RETREG1: variants seen among roughly 807,000 people sequenced by gnomAD.
RETREG1 encodes the protein family with sequence similarity 134 member B.
Under a neutral mutation model 54.8 loss-of-function variants are expected in RETREG1, and 44 were observed. That is an observed-to-expected ratio of 0.80 (90% CI 0.63 to 1.03). The LOEUF is 1.03. Ranked by LOEUF, RETREG1 falls within the 50% of genes least tolerant of loss-of-function variation. The pLI is 0.00. For missense variants in RETREG1, 554 were observed against 605.1 expected, an observed-to-expected ratio of 0.92 and a Z score of 0.89; for synonymous variants, 217 against 238.5, an observed-to-expected ratio of 0.91 and a Z score of 0.83.
At chr5:16,508,503 CATA>C (rs879098762) in intron 3 of RETREG1, 13 of 1,337,754 alleles carry the variant, frequency 9.7e-6, no homozygotes, top group South Asian at 9.6e-5. Flanking sequence ...TTAAATTAGT[CATA>C]ATATTTTTAA....
chr5:16,493,524 C>T (rs1262641474), intron 3 of RETREG1, among the ~76,000 whole-genome samples: 1 of 152,156 alleles, frequency 6.6e-6, no homozygotes, highest in Admixed American at 6.5e-5. Flanking sequence ...CAGATAATAT[C>T]AGATAGTCAA....
At chr5:16,589,285 A>G (rs1742695657) in intron 1 of RETREG1, among the ~76,000 whole-genome samples, 1 of 151,354 alleles carries the variant, frequency 6.6e-6, no homozygotes, top group Non-Finnish European at 1.5e-5. Context: ...CCCTGACCAC[A>G]CAGGGAGAAA....
chr5:16,566,752 T>C (rs2126629559), intron 2 of RETREG1, among the ~76,000 whole-genome samples: 1 of 152,348 alleles, frequency 6.6e-6, no homozygotes. Flanking sequence ...GATCAATCAG[T>C]GGTTACCAGG....
At chr5:16,514,937 G>A (rs1263661933) in intron 3 of RETREG1, among the ~76,000 whole-genome samples, 1 of 146,800 alleles carries the variant, frequency 6.8e-6, no homozygotes, top group Admixed American at 6.8e-5. Flanking sequence ...AAATATATGT[G>A]CATATATATT....
intron 1 of RETREG1, among the ~76,000 whole-genome samples, chr5:16,572,614 G>T (rs989429933): frequency 2.0e-5 from 3 of 152,190 alleles, no homozygotes; most frequent in African/African-American, 7.2e-5. Flanking sequence ...GCGCTTTTGT[G>T]CTAAGCTTTC....
intron 3 of RETREG1, among the ~76,000 whole-genome samples, chr5:16,515,818 C>T (rs62369684): frequency 0.1 from 15,299 of 151,978 alleles, 869 homozygotes; most frequent in Non-Finnish European, 0.11. Context: ...CAGCAATGCG[C>T]GAGGGAAATG....
At chr5:16,522,906 T>C (rs562556631) in intron 3 of RETREG1, among the ~76,000 whole-genome samples, 446 of 152,100 alleles carry the variant, frequency 2.9e-3, no homozygotes, top group Non-Finnish European at 5.5e-3. Context: ...TTCAGGAGGC[T>C]GATGGGGGAG....
At chr5:16,610,471 A>G (rs1561139167) in intron 1 of RETREG1, among the ~76,000 whole-genome samples, 1 of 152,224 alleles carries the variant, frequency 6.6e-6, no homozygotes, top group Non-Finnish European at 1.5e-5. Context: ...TGAACAGGCA[A>G]CCTACAGAAT....
chr5:16,496,133 A>G (rs1489385475), intron 3 of RETREG1, among the ~76,000 whole-genome samples: 3 of 152,196 alleles, frequency 2.0e-5, no homozygotes, highest in East Asian at 1.9e-4. Context: ...TAAAAAAAAA[A>G]GTAGTATTAG....
intron 2 of RETREG1, among the ~76,000 whole-genome samples, chr5:16,569,384 G>T (rs78924909): frequency 0.04 from 6,001 of 151,186 alleles, 354 homozygotes; most frequent in African/African-American, 0.13. Context: ...CTTGGACAAC[G>T]GCCTGATCTA....
intron 3 of RETREG1, among the ~76,000 whole-genome samples, chr5:16,492,156 G>A (rs987924602): frequency 6.6e-6 from 1 of 151,254 alleles, no homozygotes; most frequent in Non-Finnish European, 1.5e-5. Context: ...AGTTTTTGTA[G>A]GGCAACTGCA....
chr5:16,539,137 T>C (rs1741165863), intron 3 of RETREG1, among the ~76,000 whole-genome samples: 1 of 152,136 alleles, frequency 6.6e-6, no homozygotes, highest in African/African-American at 2.4e-5. Flanking sequence ...TGAGACCATT[T>C]CCCTGTGAAG....
chr5:16,508,499 T>G, intron 3 of RETREG1: 1 of 1,297,778 alleles, frequency 7.7e-7, no homozygotes, highest in Non-Finnish European at 1.1e-6. Context: ...CTTTTTAAAT[T>G]AGTCATAATA....
chr5:16,578,488 A>C (rs1377821850), intron 1 of RETREG1, among the ~76,000 whole-genome samples: 1 of 152,224 alleles, frequency 6.6e-6, no homozygotes, highest in Non-Finnish European at 1.5e-5. Flanking sequence ...CTGTAAGGAC[A>C]TCAAAAAACA....
chr5:16,590,662 G>A (rs1425669767), intron 1 of RETREG1, among the ~76,000 whole-genome samples: 2 of 152,148 alleles, frequency 1.3e-5, no homozygotes, highest in Non-Finnish European at 2.9e-5. Flanking sequence ...TTTGTGAAGT[G>A]ATGGCATTAC....
Position 16,475,497 on chromosome 5 carries a change from C to T in RETREG1, c.1001-263G>A, listed in dbSNP as rs577153824. 1.8e-4 allele frequency among the ~76,000 whole-genome samples: 28 copies of T among 152,278 alleles called. 1 individual carries two copies. The South Asian group carries it at 5.8e-3, about 32-fold the overall frequency. On this transcript the variant is annotated intron_variant, in intron 8 of 8. Coordinates refer to ENST00000306320, the MANE Select transcript of RETREG1 (RefSeq NM_001034850.3). ...AAGCACAAAACAGTGTATTTACTGA[C>T]TTAACATTCACCTTTGTCTGATATT...
chr5:16,574,222 GC>G (rs1742267286), intron 1 of RETREG1, among the ~76,000 whole-genome samples: 1 of 152,130 alleles, frequency 6.6e-6, no homozygotes, highest in African/African-American at 2.4e-5. Flanking sequence ...GGAAGAGAAA[GC>G]AAAAGAAGAG....
rs550661551 is a variant in RETREG1, at chr5:16,512,349, A to G, written c.459-28877T>C. On this transcript the variant is annotated intron_variant, in intron 3 of 8. Transcript: ENST00000306320. ...GTGTCCTTCCACTCCAGCAGAGCCT[A>G]CACATGCTGCAGAAGCCCAAGGGAC... Among the ~76,000 whole-genome samples the G allele has an allele frequency of 2.0e-5, 3 of 152,312 alleles. No homozygotes were observed. The East Asian group carries it at 5.8e-4, about 29-fold the overall frequency.
chr5:16,492,003 T>C (rs1739267368), intron 3 of RETREG1, among the ~76,000 whole-genome samples: 1 of 152,212 alleles, frequency 6.6e-6, no homozygotes, highest in African/African-American at 2.4e-5. Context: ...CCTGGATCCA[T>C]GAGTATCTCC....
Sources: gnomAD v4.1 joint callset for allele counts (sites outside exome capture counted in the v4.1 genomes callset) on GRCh38, gnomAD v4.1.1 for gene constraint, MANE v1.5 for transcripts, NCBI Gene and HGNC (gene_info 2026-07-23, HGNC 2026-07-21) for gene names.